SCUBE1: variants seen among roughly 807,000 people sequenced by gnomAD.
The protein encoded by SCUBE1 is signal peptide, CUB domain and EGF like domain containing 1, also known as signal peptide, CUB and EGF-like domain-containing protein 1.
A neutral mutation model predicts 124.4 loss-of-function variants in SCUBE1; 59 were observed. The observed-to-expected ratio is 0.47, with a 90% CI of 0.38 to 0.59. The LOEUF (loss-of-function observed/expected upper bound fraction) is 0.59, where lower values mean the gene tolerates loss of function less well. Among genes scored for constraint, SCUBE1 ranks in the 20% least tolerant of loss-of-function variants. The pLI, the probability that SCUBE1 is intolerant of heterozygous loss-of-function variation, is 0.00. For missense variants in SCUBE1, 1,150 were observed against 1,371.2 expected (o/e 0.84, Z 2.55); for synonymous variants, 545 against 550.9 (o/e 0.99, Z 0.15).
At chr22:43,305,041 C>A (rs546224443) in intron 3 of SCUBE1, among the ~76,000 whole-genome samples, 21 of 152,286 alleles carry the variant, frequency 1.4e-4, no homozygotes, top group African/African-American at 5.1e-4. Context: ...GCTGTCCCAA[C>A]CCAATAATCA....
At chr22:43,335,453 A>G (rs865816408) in intron 2 of SCUBE1, among the ~76,000 whole-genome samples, 1 of 152,194 alleles carries the variant, frequency 6.6e-6, no homozygotes, top group South Asian at 2.1e-4. Context: ...GGGTTTAGGA[A>G]GCCCATAACC....
intron 2 of SCUBE1, among the ~76,000 whole-genome samples, chr22:43,332,609 TA>T (rs374211074): frequency 1.3e-4 from 20 of 152,276 alleles, no homozygotes; most frequent in Middle Eastern, 6.8e-3. Flanking sequence ...GAGGCCTGGC[TA>T]GAGACAGACC....
At chr22:43,291,906 AG>A (rs1341210410) in intron 3 of SCUBE1, among the ~76,000 whole-genome samples, 1 of 152,146 alleles carries the variant, frequency 6.6e-6, no homozygotes, top group African/African-American at 2.4e-5. Context: ...ACTTGTCTAA[AG>A]TCCTACGTAT....
chr22:43,210,888 T>C lies in SCUBE1; in HGVS notation c.2383+34A>G. The C allele has an allele frequency of 1.9e-6, 3 of 1,612,448 alleles. No homozygotes were observed. The highest frequency in any genetic ancestry group is 2.5e-6 in the Non-Finnish European group (3 of 1,178,872). On this transcript the variant is annotated intron_variant, in intron 18 of 21. Transcript: ENST00000360835. The surrounding 1 kb of genome is among the most constrained non-coding windows in gnomAD (Gnocchi z 4.5). Reference sequence around the variant, plus strand: ...ACAACCTGCCCAGCCCCTCCCGTGTTCCCAGCTTCCCACGGCAGAGCAGCA... The same window carrying C: ...ACAACCTGCCCAGCCCCTCCCGTGTCCCCAGCTTCCCACGGCAGAGCAGCA...
At chr22:43,231,504 T>C (rs939809611) in intron 8 of SCUBE1, among the ~76,000 whole-genome samples, 1 of 152,036 alleles carries the variant, frequency 6.6e-6, no homozygotes, top group African/African-American at 2.4e-5. Context: ...CTGGGTGAAC[T>C]GATGAGCTGG....
intron 2 of SCUBE1, among the ~76,000 whole-genome samples, chr22:43,329,587 C>T (rs1446507664): frequency 6.6e-6 from 1 of 152,212 alleles, no homozygotes; most frequent in Non-Finnish European, 1.5e-5. Context: ...AGGGGTGCAC[C>T]TTGAAGACCC....
chr22:43,203,690 G>T lies in SCUBE1; in HGVS notation c.*307C>A. The T allele has an allele frequency of 3.6e-6, 1 of 280,036 alleles. No homozygotes were observed. Among genetic ancestry groups the T allele is most frequent in the Non-Finnish European group, 6.8e-6 (1 of 147,450 alleles). 17.3% of individuals were successfully genotyped at this position (280,036 alleles called of 1,614,324 possible). A position where few individuals can be genotyped will look rare whatever the true frequency, so the allele number is the denominator to read the frequency against. ...CTTCCCCTCTCTCCTGAAACGCCAGGCCAGGCAGAGGGTCCTGCAATCCTG... is the reference window on the plus strand; with the variant it reads ...CTTCCCCTCTCTCCTGAAACGCCAGTCCAGGCAGAGGGTCCTGCAATCCTG... On this transcript the variant is annotated 3_prime_UTR_variant, in exon 22 of 22. Transcript: ENST00000360835.
intron 2 of SCUBE1, among the ~76,000 whole-genome samples, chr22:43,332,939 C>T (rs959698589): frequency 6.6e-6 from 1 of 152,110 alleles, no homozygotes; most frequent in Non-Finnish European, 1.5e-5. Flanking sequence ...AGGAGGTGAC[C>T]CTGTCATCCA....
intron 3 of SCUBE1, among the ~76,000 whole-genome samples, chr22:43,316,007 C>G (rs901096434): frequency 6.6e-6 from 1 of 152,090 alleles, no homozygotes; most frequent in Non-Finnish European, 1.5e-5. Context: ...GCCGTGGGAG[C>G]GCACATGGTG....
intron 14 of SCUBE1, 66 bp downstream of exon 14, chr22:43,220,384 G>T (rs1922039502): frequency 9.0e-6 from 14 of 1,561,136 alleles, no homozygotes; most frequent in Non-Finnish European, 1.2e-5. Context: ...CAGGCCCCCG[G>T]CAGCGCCACC....
At chr22:43,227,290 C>G in intron 10 of SCUBE1, 84 bp downstream of exon 10, 4 of 1,476,642 alleles carry the variant, frequency 2.7e-6, no homozygotes, top group Non-Finnish European at 3.7e-6. Flanking sequence ...CTGTCCTGCT[C>G]ACCCCCACCT....
rs1414021833 is a variant in SCUBE1, at chr22:43,202,678, T to TA, written c.*1318dup. On this transcript the variant is annotated 3_prime_UTR_variant, in exon 22 of 22. Coordinates refer to ENST00000360835, the MANE Select transcript of SCUBE1 (RefSeq NM_173050.5). ...TCCCCTTCACCCTCCGCCATGATTG[T>TA]AAGTTTCCTGAGGCCTCCCAAGCCA... The TA allele has an allele frequency of 6.6e-6, 1 of 152,254 alleles. No individual in the cohort carries two copies. The highest frequency in any genetic ancestry group is 6.5e-5 in the Admixed American group (1 of 15,284). The allele number at this position is 152,254 out of a possible 1,614,324, so 9.4% of individuals were successfully genotyped here.
intron 6 of SCUBE1, among the ~76,000 whole-genome samples, chr22:43,244,209 C>T (rs36084240): frequency 0.067 from 10,251 of 152,270 alleles, 460 homozygotes; most frequent in Admixed American, 0.15. Context: ...CAGGGTTCCA[C>T]AGGGCACCCC....
At chr22:43,242,575 C>T (rs1923048369) in intron 6 of SCUBE1, among the ~76,000 whole-genome samples, 2 of 152,252 alleles carry the variant, frequency 1.3e-5, no homozygotes, top group African/African-American at 4.8e-5. Flanking sequence ...CAGGGGCTGA[C>T]ATTATGGCCT....
At chr22:43,226,970 C>G (rs1052189926) in intron 10 of SCUBE1, among the ~76,000 whole-genome samples, 18 of 152,150 alleles carry the variant, frequency 1.2e-4, no homozygotes, top group African/African-American at 4.3e-4. Context: ...TCCTCCTCCC[C>G]CTCAGCCTCC....
chr22:43,314,853 T>C (rs973551034), intron 3 of SCUBE1, among the ~76,000 whole-genome samples: 4 of 152,252 alleles, frequency 2.6e-5, no homozygotes, highest in Admixed American at 1.3e-4. Flanking sequence ...TTAGGAATAT[T>C]TGTCAAGGTA....
intron 2 of SCUBE1, among the ~76,000 whole-genome samples, chr22:43,326,820 C>G (rs1216542351): frequency 6.6e-6 from 1 of 152,008 alleles, no homozygotes; most frequent in Non-Finnish European, 1.5e-5. Flanking sequence ...TCATGCTGTT[C>G]CCTCTGCCTG....
intron 3 of SCUBE1, among the ~76,000 whole-genome samples, chr22:43,308,172 C>T (rs1285449777): frequency 6.6e-6 from 1 of 152,220 alleles, no homozygotes; most frequent in Admixed American, 6.5e-5. Context: ...ACAACACTGT[C>T]CAGGGAGTCT....
chr22:43,251,571 A>G (rs1216770782), intron 6 of SCUBE1, among the ~76,000 whole-genome samples: 1 of 152,106 alleles, frequency 6.6e-6, no homozygotes, highest in East Asian at 1.9e-4. Flanking sequence ...CAGAGCTGTG[A>G]GGACTGGGGC....
Sources: allele counts gnomAD v4.1 joint callset (sites outside exome capture counted in the v4.1 genomes callset), GRCh38; gene constraint gnomAD v4.1.1; non-coding constraint Gnocchi (gnomAD v3.1); transcripts MANE v1.5; gene names NCBI Gene and HGNC (gene_info 2026-07-23, HGNC 2026-07-21).